The following MUC5B variants were observed in gnomAD, a reference collection of about 807,000 sequenced individuals.
The protein encoded by MUC5B is mucin 5B, oligomeric mucus/gel-forming, also known as mucin-5B.
MUC5B carries 116 observed loss-of-function variants against 376.9 expected under a neutral mutation model. That is an observed-to-expected ratio of 0.31 (90% confidence interval 0.26 to 0.36). The LOEUF is 0.36. MUC5B is among the 10% of genes least tolerant of loss of function. The pLI is 1.00. For synonymous variants in MUC5B, 3,517 were observed against 3,390.9 expected (o/e 1.04, Z -1.29); for missense variants, 7,165 against 7,769.9 (o/e 0.92, Z 2.93).
chr11:1,243,797 T>C lies in MUC5B; in HGVS notation c.6917T>C (p.Ile2306Thr), dbSNP rs186145569. ...LLPSSPTSAPITTVVTMGCEP... is the reference protein window; with the variant it reads ...LLPSSPTSAPTTTVVTMGCEP... ...CCCAGCAGCCCCACATCGGCCCCCA[T>C]AACCACGGTGGTGACCATGGGCTGT... The change falls in exon 31 of 49, where the codon ATA (isoleucine) becomes ACA (threonine). Residue 2306 changes from isoleucine (I) to threonine (T), a missense_variant. Transcript: ENST00000529681. The C allele has an allele frequency of 1.5e-3, 2,340 of 1,611,600 alleles. 7 individuals carry two copies. Among genetic ancestry groups the C allele is most frequent in the Non-Finnish European group, 1.6e-3 (1,867 of 1,179,622 alleles).
In MUC5B at chr11:1,229,183, C is replaced by T. The variant is rs754475301; in HGVS notation, c.990C>T (p.Pro330=). ...CCTTTTGCGCAGCCCGGACCTGCCC[C>T]CTCAACATGCAGCACCAGGAGTGTG... ...RCPELCPRTC[P]LNMQHQECGS... is the part of the protein sequence containing the mutation. The change falls in exon 9 of 49, where the codon CCC becomes CCT. Residue 330 remains proline, a synonymous_variant. Transcript: ENST00000529681. 6.3e-7 allele frequency: 1 copy of T among 1,596,760 alleles called. No individual in the cohort carries two copies. The highest frequency in any genetic ancestry group is 1.1e-5 in the South Asian group (1 of 88,970).
At chr11:1,254,643 G>A (rs896676161) in intron 34 of MUC5B, 51 bp from the exon 35 acceptor site, 18 of 1,565,850 alleles carry the variant, frequency 1.1e-5, no homozygotes, top group African/African-American at 1.4e-5. Context: ...CCTGCTCCCC[G>A]AGCCCACCTG....
rs762923739 is a variant in MUC5B, at chr11:1,243,723, G to A, written c.6843G>A (p.Arg2281=). The part of the protein sequence containing the change: ...TTPGHTTATS[R]TTATATPSKT... ...CGGGCCACACCACGGCCACCTCCAG[G>A]ACCACAGCCACGGCCACACCCAGCA... The change falls in exon 31 of 49, where the codon AGG becomes AGA. Residue 2281 remains arginine (R), a synonymous_variant. Transcript: ENST00000529681. 3 of 1,611,256 alleles carry A rather than the reference G, an allele frequency of 1.9e-6. No individual in the cohort carries two copies. The highest frequency in any genetic ancestry group is 2.2e-5 in the South Asian group (2 of 90,946).
Position 1,243,385 on chromosome 11 carries a change from C to A in MUC5B, c.6505C>A (p.Pro2169Thr). The A allele has an allele frequency of 6.5e-7, 1 of 1,536,428 alleles. No individual in the cohort carries two copies. The highest frequency in any genetic ancestry group is 1.4e-5 in the African/African-American group (1 of 72,080). ...PPVLTTTATTPAATSNTVTPS... is the reference protein window; with the variant it reads ...PPVLTTTATTTAATSNTVTPS... The stretch of plus-strand genomic sequence containing the variant: ...AGTGCTGACCACCACCGCCACCACA[C>A]CTGCAGCCACCAGCAACACAGTGAC... The change falls in exon 31 of 49, where the codon CCT (proline) becomes ACT (threonine). Residue 2169 changes from proline (P) to threonine (T), a missense_variant. Coordinates refer to ENST00000529681, the MANE Select transcript of MUC5B (RefSeq NM_002458.3).
In MUC5B at chr11:1,244,470, C is replaced by G. The variant is rs774340575; in HGVS notation, c.7590C>G (p.Thr2530=). The part of the protein sequence containing the change: ...TALPALRSTA[T]TPTATSFTAI... ...TTCCAGCACTGAGAAGCACAGCCAC[C>G]ACACCCACAGCTACCAGCTTTACAG... Residue 2530 remains threonine (T), a synonymous_variant, in exon 31 of 49, where the codon ACC becomes ACG. Coordinates refer to ENST00000529681, the MANE Select transcript of MUC5B (RefSeq NM_002458.3). 5 of 1,538,074 alleles carry G rather than the reference C, an allele frequency of 3.3e-6. No homozygotes were observed. The highest frequency in any genetic ancestry group is 4.5e-6 in the Non-Finnish European group (5 of 1,119,850).
chr11:1,238,613 T>C (rs1042535307), intron 25 of MUC5B, among the ~76,000 whole-genome samples: 1 of 151,666 alleles, frequency 6.6e-6, no homozygotes, highest in African/African-American at 2.4e-5. Context: ...GGCAGGTGCA[T>C]AGGTGGGCAG....
chr11:1,260,542 C>T, intron 47 of MUC5B, 84 bp from the exon 48 acceptor site: 3 of 1,470,576 alleles, frequency 2.0e-6, no homozygotes, highest in Non-Finnish European at 2.8e-6. Context: ...GAGGGGTGGT[C>T]CCATGGGGAG....
rs760612447 is a variant in MUC5B, at chr11:1,246,312, A to C, written c.9432A>C (p.Thr3144=). Residue 3144 remains threonine (T), a synonymous_variant, in exon 31 of 49, where the codon ACA becomes ACC. Transcript: ENST00000529681. The part of the protein sequence containing the change: ...ILTELTTAAT[T]TAATGPTATP... ...CAGAGCTGACCACAGCAGCCACTAC[A>C]ACTGCAGCCACTGGCCCCACGGCCA... 36 of 1,598,688 alleles carry C rather than the reference A, an allele frequency of 2.3e-5. 2 individuals carry two copies. In the Middle Eastern group the frequency reaches 1.2e-3, roughly 52 times the overall value.
At position 1,234,297 on chromosome 11, in the gene MUC5B, G is replaced by A. The variant is rs182394351; in HGVS notation, c.2470G>A (p.Val824Met). 2.2e-4 allele frequency: 360 copies of A among 1,602,072 alleles called. 3 individuals carry two copies. The East Asian group carries it at 4.7e-3, about 21-fold the overall frequency. The change falls in exon 20 of 49, where the codon GTG becomes ATG. Residue 824 changes from valine (V) to methionine (M), a missense_variant. This residue lies in a region of MUC5B where 530 missense variants were observed against 604.0 expected (regional missense o/e 0.88). Transcript: ENST00000529681. The surrounding 1 kb of genome is among the most constrained non-coding windows in gnomAD (Gnocchi z 6.3). ...CCTCCGGAGCTGCCACACGCTGGAC[G>A]TGGGCTGTGTGAGTTCCATGCTTCA... The part of the protein sequence containing the change: ...ECLRSCHTLD[V>M]GCFSTHCVSG...
intron 38 of MUC5B, among the ~76,000 whole-genome samples, 181 bp downstream of exon 38, chr11:1,256,406 A>G (rs533549603): frequency 1.3e-5 from 2 of 151,992 alleles, no homozygotes; most frequent in South Asian, 4.1e-4. Context: ...AGAGTCAGGC[A>G]GGGGGCGCAT....
chr11:1,249,177 G>A lies in MUC5B; in HGVS notation c.12297G>A (p.Thr4099=), dbSNP rs753882633. 117 of 1,610,854 alleles carry A rather than the reference G, an allele frequency of 7.3e-5. No individual in the cohort carries two copies. The Admixed American group carries it at 1.3e-3, about 17-fold the overall frequency. ...HTTATSRTTA[T]ATPSKTRTST... ...CGGCCACCTCCAGGACCACGGCCAC[G>A]GCCACACCCAGCAAGACCCGCACCT... is the stretch of plus-strand genomic sequence containing the variant. The change falls in exon 31 of 49, where the codon ACG becomes ACA. Residue 4099 remains threonine, a synonymous_variant. Transcript: ENST00000529681.
chr11:1,258,020 G>T lies in MUC5B; in HGVS notation c.16451-79G>T. 2 of 1,388,004 alleles carry T rather than the reference G, an allele frequency of 1.4e-6. No homozygotes were observed. The highest frequency in any genetic ancestry group is 2.0e-6 in the Non-Finnish European group (2 of 1,007,114). 86.0% of individuals were successfully genotyped at this position (1,388,004 alleles called of 1,614,324 possible). A position where few individuals can be genotyped will look rare whatever the true frequency, so the allele number is the denominator to read the frequency against. On this transcript the variant is annotated intron_variant, in intron 41 of 48. Coordinates refer to ENST00000529681, the MANE Select transcript of MUC5B (RefSeq NM_002458.3). This position sits in a 1 kb window ranked among gnomAD's most constrained non-coding sequence, Gnocchi z 5.5. ...CGGTCAGGTCCTCGGGGAAAAGCAC[G>T]CCTGCGACTTACTCTGGGAACAAGT...
intron 17 of MUC5B, 89 bp downstream of exon 17, chr11:1,232,859 C>A: frequency 6.7e-7 from 1 of 1,484,854 alleles, no homozygotes; most frequent in Non-Finnish European, 8.9e-7. Context: ...TCACACGGTT[C>A]TCAGCCCAGA....
At position 1,248,570 on chromosome 11, in the gene MUC5B, C is replaced by A. The variant is rs772881281; in HGVS notation, c.11690C>A (p.Pro3897His). The change falls in exon 31 of 49, where the codon CCC (proline) becomes CAC (histidine). Residue 3897 changes from proline (P) to histidine (H), a missense_variant. Transcript: ENST00000529681. ...PPVWISTTTT[P>H]TTSGSTVTPS... ...GTGTGGATCAGCACAACCACCACAC[C>A]CACAACCAGTGGCTCCACGGTGACC... 6.2e-7 allele frequency: 1 copy of A among 1,613,064 alleles called. No individual in the cohort carries two copies. Among genetic ancestry groups the A allele is most frequent in the South Asian group, 1.1e-5 (1 of 91,044 alleles).
chr11:1,239,954 G>A lies in MUC5B; in HGVS notation c.3728+11G>A, dbSNP rs766079707. The A allele has an allele frequency of 9.3e-6, 15 of 1,612,370 alleles. No homozygotes were observed. Among genetic ancestry groups the A allele is most frequent in the South Asian group, 1.1e-5 (1 of 90,970 alleles). ...GAACTGCCAGAGCTGGTGAGGGGGT[G>A]GGAAGCGGGTGGCGCTGGGGGAGCA... On this transcript the variant is annotated intron_variant, in intron 28 of 48. Transcript: ENST00000529681.
At chr11:1,260,442 G>A (rs755068479) in intron 47 of MUC5B, 49 bp downstream of exon 47, 150 of 1,601,592 alleles carry the variant, frequency 9.4e-5, no homozygotes, top group South Asian at 1.9e-4. Flanking sequence ...CCAGCCCGTC[G>A]CCACCCATCC....
rs1564952817 is a variant in MUC5B at position 1,256,298 on chromosome 11, G to C, written c.16136+73G>C. On this transcript the variant is annotated intron_variant, in intron 38 of 48. Transcript: ENST00000529681. Reference sequence around the variant, plus strand: ...GACCGGTCTGGGGGAGCAGGAGGAGGCCAGAGGGTGTCCCACTGTGGGCCA... The same window carrying C: ...GACCGGTCTGGGGGAGCAGGAGGAGCCCAGAGGGTGTCCCACTGTGGGCCA... The C allele has an allele frequency of 2.3e-5, 16 of 700,966 alleles. No homozygotes were observed. In the East Asian group the frequency reaches 4.3e-4, roughly 19 times the overall value. The allele number at this position is 700,966 out of a possible 1,614,324, so 43.4% of individuals were successfully genotyped here.
At position 1,248,538 on chromosome 11, in the gene MUC5B, G is replaced by C; in HGVS notation, c.11658G>C (p.Thr3886=). 6.2e-7 allele frequency: 1 copy of C among 1,612,356 alleles called. No homozygotes were observed. The highest frequency in any genetic ancestry group is 8.5e-7 in the Non-Finnish European group (1 of 1,179,512). ...TPSSSPGTAR[T]PPVWISTTTT... ...CCTCCAGCCCAGGGACGGCACGCAC[G>C]CCTCCAGTGTGGATCAGCACAACCA... The change falls in exon 31 of 49, where the codon ACG becomes ACC. Residue 3886 remains threonine, a synonymous_variant. Transcript: ENST00000529681.
rs148720840 is a variant in MUC5B, at chr11:1,226,604, G to C, written c.200-11G>C. The C allele has an allele frequency of 3.1e-5, 49 of 1,603,542 alleles. No homozygotes were observed. Among genetic ancestry groups the C allele is most frequent in the Middle Eastern group, 1.6e-4 (1 of 6,070 alleles). On this transcript the variant is annotated splice_polypyrimidine_tract_variant and intron_variant, in intron 3 of 48. Coordinates refer to ENST00000529681, the MANE Select transcript of MUC5B (RefSeq NM_002458.3). ...GGCATGGGGATGGGCCTCATCCCGC[G>C]CTCCCCACAGCCCTGAACCCGGCGC...
Sources: allele counts gnomAD v4.1 joint callset (sites outside exome capture counted in the v4.1 genomes callset), GRCh38; gene constraint gnomAD v4.1.1; regional missense constraint gnomAD v4.1.1; non-coding constraint Gnocchi (gnomAD v3.1); transcripts MANE v1.5; gene names NCBI Gene and HGNC (gene_info 2026-07-23, HGNC 2026-07-21).